TASP1: variants seen among roughly 807,000 people sequenced by gnomAD.
The protein encoded by TASP1 is threonine aspartase 1.
Under a neutral mutation model 56.6 loss-of-function variants are expected in TASP1, and 16 were observed. The ratio of observed to expected loss-of-function variants is 0.28; its 90% CI spans 0.19 to 0.43. The LOEUF (loss-of-function observed/expected upper bound fraction) is 0.43, where lower values mean the gene tolerates loss of function less well. Among genes scored for constraint, TASP1 ranks in the 20% least tolerant of loss-of-function variants. TASP1 has a pLI of 1.00. For missense variants in TASP1, 393 were observed against 511.6 expected (o/e 0.77, Z 2.24); for synonymous variants, 179 against 184.2 (o/e 0.97, Z 0.23).
At chr20:13,197,531 T>C in the TASP1 span, among the ~76,000 whole-genome samples, 1 of 152,204 alleles carries the variant, frequency 6.6e-6, no homozygotes, top group Non-Finnish European at 1.5e-5. Context: ...CCCATTAAGA[T>C]GAATAGGGAA....
the TASP1 span, among the ~76,000 whole-genome samples, chr20:13,270,009 T>C: frequency 2.0e-5 from 3 of 152,012 alleles, no homozygotes; most frequent in Admixed American, 2.0e-4. Context: ...GATAGACAAA[T>C]GGACAGACAA....
intron 11 of TASP1, among the ~76,000 whole-genome samples, chr20:13,480,766 A>G (rs185942325): frequency 1.1e-4 from 17 of 152,294 alleles, no homozygotes; most frequent in Admixed American, 5.9e-4. Context: ...CCATAATTAC[A>G]CATCCATCAC....
At chr20:13,230,307 T>C in the TASP1 span, among the ~76,000 whole-genome samples, 1 of 152,230 alleles carries the variant, frequency 6.6e-6, no homozygotes, top group Non-Finnish European at 1.5e-5. Flanking sequence ...CTTTTTTTTC[T>C]TCCCAGAGTT....
rs1469142177 is a variant in TASP1 at position 13,498,337 on chromosome 20, G to T, written c.875-15000C>A. ...AAACACTTTTTCTTTTCTTTTGTGT[G>T]TGTGTGTGTGTGTGTGTGTGTGTGT... On this transcript the variant is annotated intron_variant, in intron 10 of 13. Coordinates refer to ENST00000337743, the MANE Select transcript of TASP1 (RefSeq NM_017714.3). Among the ~76,000 whole-genome samples the T allele has an allele frequency of 1.4e-4, 11 of 76,076 alleles. No individual in the cohort carries two copies. The East Asian group carries it at 3.8e-3, about 26-fold the overall frequency. 49.9% of individuals were successfully genotyped at this position (76,076 alleles called of 152,430 possible).
At chr20:13,487,894 T>C (rs1158682445) in intron 10 of TASP1, among the ~76,000 whole-genome samples, 1 of 152,114 alleles carries the variant, frequency 6.6e-6, no homozygotes, top group East Asian at 1.9e-4. Flanking sequence ...GCAACAAGTC[T>C]TAAAAACTAA....
In TASP1 at chr20:13,440,728, TTTTCA is replaced by T. The variant is rs141214026; in HGVS notation, c.986-5579_986-5575del. Reference sequence around the variant, plus strand: ...ATATAATACACTGAGAGAAGTTTAATTTTCAGAACCACCTGCCATGAGACATTTTA... The same window carrying T: ...ATATAATACACTGAGAGAAGTTTAATGAACCACCTGCCATGAGACATTTTA... On this transcript the variant is annotated intron_variant, in intron 11 of 13. Transcript: ENST00000337743. Among the ~76,000 whole-genome samples the T allele has an allele frequency of 3.0e-3, 457 of 152,058 alleles. 19 individuals carry two copies. The East Asian group carries it at 0.067, about 22-fold the overall frequency.
chr20:13,625,799 A>G (rs890470943), intron 2 of TASP1, among the ~76,000 whole-genome samples: 1 of 152,156 alleles, frequency 6.6e-6, no homozygotes. Flanking sequence ...CCTCTCACCC[A>G]CTAGAATGTA....
chr20:13,417,368 C>G, intron 13 of TASP1, 80 bp downstream of exon 13: 1 of 1,487,028 alleles, frequency 6.7e-7, no homozygotes. Flanking sequence ...TGAAAAAATT[C>G]ATCCACATCA....
intron 13 of TASP1, among the ~76,000 whole-genome samples, chr20:13,408,732 T>G (rs2042005816): frequency 6.6e-6 from 1 of 152,178 alleles, no homozygotes; most frequent in Non-Finnish European, 1.5e-5. Flanking sequence ...GTTGGTTTTC[T>G]TCAACAAATT....
At chr20:13,545,209 CA>C (rs2045764439) in intron 8 of TASP1, among the ~76,000 whole-genome samples, 1 of 152,060 alleles carries the variant, frequency 6.6e-6, no homozygotes, top group Non-Finnish European at 1.5e-5. Flanking sequence ...TTTCGTTCCT[CA>C]ATAGATCTTA....
At chr20:13,537,041 C>G (rs2045444278) in intron 8 of TASP1, among the ~76,000 whole-genome samples, 1 of 151,952 alleles carries the variant, frequency 6.6e-6, no homozygotes, top group Non-Finnish European at 1.5e-5. Context: ...CTGATACTAC[C>G]CATGCATTCT....
the TASP1 span, among the ~76,000 whole-genome samples, chr20:13,312,418 C>G: frequency 6.6e-6 from 1 of 152,210 alleles, no homozygotes. Context: ...CTTGCTGGTT[C>G]CTCCAAGAGA....
At position 13,574,286 on chromosome 20, in the gene TASP1, G is replaced by A. The variant is rs144816816; in HGVS notation, c.489-4700C>T. Among the ~76,000 whole-genome samples the A allele has an allele frequency of 2.5e-4, 38 of 152,208 alleles. No homozygotes were observed. In the East Asian group the frequency reaches 6.6e-3, roughly 26 times the overall value. On this transcript the variant is annotated intron_variant, in intron 6 of 13. Coordinates refer to ENST00000337743, the MANE Select transcript of TASP1 (RefSeq NM_017714.3). ...ATTAGCTCAAGGCCAAATGCTTTTCGTCTCATGTAAGTTTAAAGCGAGACC... is the reference window on the plus strand; with the variant it reads ...ATTAGCTCAAGGCCAAATGCTTTTCATCTCATGTAAGTTTAAAGCGAGACC...
intron 4 of TASP1, among the ~76,000 whole-genome samples, chr20:13,613,067 T>C (rs2048402643): frequency 6.6e-6 from 1 of 152,206 alleles, no homozygotes; most frequent in Non-Finnish European, 1.5e-5. Flanking sequence ...AAAACTTTTT[T>C]TATTAGTAAT....
chr20:13,337,012 A>G, the TASP1 span, among the ~76,000 whole-genome samples: 1 of 152,218 alleles, frequency 6.6e-6, no homozygotes, highest in Non-Finnish European at 1.5e-5. Flanking sequence ...GATGTTTCCA[A>G]GGGAATCCAT....
At chr20:13,569,622 G>A in intron 6 of TASP1, 36 bp from the exon 7 acceptor site, 1 of 1,546,472 alleles carries the variant, frequency 6.5e-7, no homozygotes, top group Admixed American at 1.7e-5. Context: ...AATTCACAGT[G>A]TCATCTTCTC....
chr20:13,225,007 G>A, the TASP1 span, among the ~76,000 whole-genome samples: 15 of 141,080 alleles, frequency 1.1e-4, no homozygotes, highest in East Asian at 3.9e-4. Context: ...CACCACGCCC[G>A]GCTAATTTTT....
chr20:13,219,650 C>T, the TASP1 span, among the ~76,000 whole-genome samples: 3 of 151,990 alleles, frequency 2.0e-5, no homozygotes, highest in African/African-American at 7.3e-5. Flanking sequence ...TAAACAGCTG[C>T]CAATTTATTA....
chr20:13,393,762 T>C (rs900554419), intron 13 of TASP1: 18 of 641,594 alleles, frequency 2.8e-5, no homozygotes, highest in Non-Finnish European at 4.4e-5. Context: ...CTCAGTCCCC[T>C]ACCACACTGA....
Sources: allele counts gnomAD v4.1 joint callset (sites outside exome capture counted in the v4.1 genomes callset), GRCh38; gene constraint gnomAD v4.1.1; transcripts MANE v1.5; gene names NCBI Gene and HGNC (gene_info 2026-07-23, HGNC 2026-07-21).